The following NPR3 variants were observed in gnomAD, a reference collection of about 807,000 sequenced individuals.
The protein encoded by NPR3 is atrial natriuretic peptide receptor 3.
NPR3 carries 34 observed loss-of-function variants against 54.5 expected under a neutral mutation model. The ratio of observed to expected loss-of-function variants is 0.62; its 90% CI spans 0.47 to 0.83. The LOEUF (loss-of-function observed/expected upper bound fraction) is 0.83, where lower values mean the gene tolerates loss of function less well. Ranked by LOEUF, NPR3 falls within the 40% of genes least tolerant of loss-of-function variation. The probability of loss-of-function intolerance (pLI) is 0.00; values close to 1 mark genes in which losing one functional copy is unlikely to be tolerated. For synonymous variants in NPR3, 289 were observed against 297.1 expected (o/e 0.97, Z 0.28); for missense variants, 674 against 720.8 (o/e 0.94, Z 0.74).
chr5:32,745,357 T>A (rs1357136504), intron 3 of NPR3, among the ~76,000 whole-genome samples: 2 of 152,170 alleles, frequency 1.3e-5, no homozygotes, highest in African/African-American at 4.8e-5. Context: ...CCGCCTGGCC[T>A]TTTCTGGTGG....
At chr5:32,762,127 C>CA (rs1741204126) in intron 3 of NPR3, among the ~76,000 whole-genome samples, 1 of 152,080 alleles carries the variant, frequency 6.6e-6, no homozygotes, top group Non-Finnish European at 1.5e-5. Context: ...TGAACTCATC[C>CA]TTTTTTTACA....
At chr5:32,742,637 T>G (rs1740093167) in intron 3 of NPR3, among the ~76,000 whole-genome samples, 1 of 152,216 alleles carries the variant, frequency 6.6e-6, no homozygotes, top group Non-Finnish European at 1.5e-5. Flanking sequence ...GTGGGCATCT[T>G]AACTTTAATG....
At chr5:32,772,449 C>T (rs1741818293) in intron 3 of NPR3, among the ~76,000 whole-genome samples, 1 of 152,212 alleles carries the variant, frequency 6.6e-6, no homozygotes, top group South Asian at 2.1e-4. Flanking sequence ...TCCCACCCTC[C>T]ACCTCTTGCA....
At position 32,789,265 on chromosome 5, in the gene NPR3, A is replaced by G; in HGVS notation, c.*2920A>G. 2.4e-6 allele frequency: 1 copy of G among 409,972 alleles called. No homozygotes were observed. The allele number at this position is 409,972 out of a possible 1,614,324, so 25.4% of individuals were successfully genotyped here. A position where few individuals can be genotyped will look rare whatever the true frequency, so the allele number is the denominator to read the frequency against. On this transcript the variant is annotated 3_prime_UTR_variant, in exon 8 of 8. Coordinates refer to ENST00000265074, the MANE Select transcript of NPR3 (RefSeq NM_001204375.2). The stretch of plus-strand genomic sequence containing the variant: ...AATAAGTGTCTGTCTTATGGTCATC[A>G]TTGTCTTCTTAGATTTTTGGGTAGG...
At chr5:32,751,155 TAA>T (rs3838653) in intron 3 of NPR3, among the ~76,000 whole-genome samples, 3,641 of 152,186 alleles carry the variant, frequency 0.024, 75 homozygotes, top group South Asian at 0.057. Context: ...GATATTTACA[TAA>T]AAAATAATTG....
Position 32,712,150 on chromosome 5 carries a change from G to A in NPR3, c.374G>A (p.Gly125Asp), listed in dbSNP as rs762610694. The A allele has an allele frequency of 1.2e-6, 2 of 1,613,388 alleles. No individual in the cohort carries two copies. The highest frequency in any genetic ancestry group is 2.2e-5 in the South Asian group (2 of 91,080). The change falls in exon 1 of 8, where the codon GGC (glycine) becomes GAC (aspartate). Residue 125 changes from glycine to aspartate, a missense_variant. By Grantham distance (94) the Gly-to-Asp change is moderately conservative (BLOSUM62 -1). Coordinates refer to ENST00000265074, the MANE Select transcript of NPR3 (RefSeq NM_001204375.2). ...GTGGACCGCGTGGCGGCGGCGCGGG[G>A]CGCCAAGCCAGACCTTATCCTGGGG... is the stretch of plus-strand genomic sequence containing the variant. ...SLVDRVAAARGAKPDLILGPV... is the reference protein window; with the variant it reads ...SLVDRVAAARDAKPDLILGPV...
At chr5:32,692,478 G>T (rs1283280332) in intron 1 of NPR3, among the ~76,000 whole-genome samples, 1 of 152,182 alleles carries the variant, frequency 6.6e-6, no homozygotes, top group Non-Finnish European at 1.5e-5. Context: ...AACTGAATAG[G>T]AACAATGTCA....
intron 2 of NPR3, among the ~76,000 whole-genome samples, chr5:32,738,574 T>G (rs946027601): frequency 1.3e-5 from 2 of 152,142 alleles, no homozygotes; most frequent in Non-Finnish European, 2.9e-5. Context: ...TGCTGCAATT[T>G]TGGGGGTGGG....
At chr5:32,731,736 A>G (rs1315158022) in intron 2 of NPR3, among the ~76,000 whole-genome samples, 1 of 152,194 alleles carries the variant, frequency 6.6e-6, no homozygotes, top group Admixed American at 6.5e-5. Context: ...TTAATATAAT[A>G]TATCCCAAGG....
intron 2 of NPR3, among the ~76,000 whole-genome samples, chr5:32,729,010 G>T (rs1739304009): frequency 7.4e-6 from 1 of 134,556 alleles, no homozygotes; most frequent in African/African-American, 2.9e-5. Context: ...TTGTGTGCCT[G>T]TGTGTTTTTT....
At chr5:32,747,656 T>C (rs1740369611) in intron 3 of NPR3, among the ~76,000 whole-genome samples, 1 of 152,126 alleles carries the variant, frequency 6.6e-6, no homozygotes, top group African/African-American at 2.4e-5. Context: ...CAATACCACC[T>C]GGAAATGTCC....
upstream of NPR3, among the ~76,000 whole-genome samples, chr5:32,706,416 A>G (rs567123332): frequency 1.1e-4 from 16 of 152,352 alleles, no homozygotes; most frequent in Admixed American, 1.0e-3. Flanking sequence ...GACAAACACA[A>G]TTAAAGCAGT....
intron 3 of NPR3, among the ~76,000 whole-genome samples, chr5:32,768,188 G>C (rs1476377948): frequency 6.6e-6 from 1 of 152,154 alleles, no homozygotes; most frequent in East Asian, 1.9e-4. Context: ...AGTCTTGTGG[G>C]GGTTGGGTCA....
intron 1 of NPR3, among the ~76,000 whole-genome samples, chr5:32,722,007 T>C (rs1041299871): frequency 1.3e-5 from 2 of 152,172 alleles, no homozygotes; most frequent in Non-Finnish European, 2.9e-5. Flanking sequence ...ATCATAAGTA[T>C]CTACCAAAGG....
intron 1 of NPR3, among the ~76,000 whole-genome samples, chr5:32,702,027 C>T (rs1186617461): frequency 1.3e-5 from 2 of 152,112 alleles, no homozygotes; most frequent in East Asian, 3.9e-4. Context: ...TAACCACTGC[C>T]TTGCTACCAG....
intron 6 of NPR3, 183 bp downstream of exon 6, chr5:32,783,211 G>T: frequency 5.9e-6 from 3 of 505,458 alleles, no homozygotes; most frequent in Admixed American, 3.8e-5. Flanking sequence ...TTCCCTTCCA[G>T]TCTTCTCTTC....
upstream of NPR3, among the ~76,000 whole-genome samples, chr5:32,705,901 A>G (rs998429046): frequency 1.3e-5 from 2 of 152,238 alleles, no homozygotes; most frequent in Admixed American, 6.5e-5. Context: ...TGTTGCAGCC[A>G]GATTAGTTGA....
At chr5:32,732,967 C>G (rs944928810) in intron 2 of NPR3, among the ~76,000 whole-genome samples, 1 of 152,148 alleles carries the variant, frequency 6.6e-6, no homozygotes, top group African/African-American at 2.4e-5. Context: ...GCCTCAGCCT[C>G]CCGACTAGCT....
intron 3 of NPR3, among the ~76,000 whole-genome samples, chr5:32,757,172 T>G (rs1185290383): frequency 6.6e-6 from 1 of 152,244 alleles, no homozygotes; most frequent in Non-Finnish European, 1.5e-5. Context: ...GGGAAGGCAT[T>G]GAATCTATAA....
Sources: gnomAD v4.1 joint callset for allele counts (sites outside exome capture counted in the v4.1 genomes callset) on GRCh38, gnomAD v4.1.1 for gene constraint, MANE v1.5 for transcripts, NCBI Gene and HGNC (gene_info 2026-07-23, HGNC 2026-07-21) for gene names.